GREB1: variants seen among roughly 807,000 people sequenced by gnomAD.
GREB1 encodes protein GREB1.
Under a neutral mutation model 200.7 loss-of-function variants are expected in GREB1, and 106 were observed. That is an observed-to-expected ratio of 0.53 (90% CI 0.45 to 0.62). The LOEUF is 0.62. Ranked by LOEUF, GREB1 falls within the 20% of genes least tolerant of loss-of-function variation. The pLI, the probability that GREB1 is intolerant of heterozygous loss-of-function variation, is 0.00. For synonymous variants in GREB1, 1,132 were observed against 1,092.4 expected, an observed-to-expected ratio of 1.04 and a Z score of -0.72; for missense variants, 2,243 against 2,556.8, an observed-to-expected ratio of 0.88 and a Z score of 2.65.
intron 2 of GREB1, 75 bp downstream of exon 2, chr2:11,556,846 A>C: frequency 9.0e-7 from 1 of 1,116,644 alleles, no homozygotes; most frequent in Non-Finnish European, 1.2e-6. Context: ...AGAACTTGAA[A>C]CTCTTTTCTT....
rs1253695582 is a variant in GREB1 at position 11,595,322 on chromosome 2, G to C, written c.1768G>C (p.Glu590Gln). The C allele has an allele frequency of 6.2e-7, 1 of 1,613,994 alleles. No homozygotes were observed. Among genetic ancestry groups the C allele is most frequent in the South Asian group, 1.1e-5 (1 of 91,066 alleles). ...GGAGTACCAGAAGGAAGTCAATTAC[G>C]AGCTGGTTACGGGGAAGGTAGACTC... is the stretch of plus-strand genomic sequence containing the variant. ...PAEYQKEVNY[E>Q]LVTGKVDSLG... is the part of the protein sequence containing the mutation. The change falls in exon 12 of 33, where the codon GAG (glutamate) becomes CAG (glutamine). Residue 590 changes from glutamate to glutamine, a missense_variant. Glu to Gln is a conservative substitution (Grantham distance 29). Around this residue, in one of 3 missense-constraint regions of GREB1, gnomAD observed 1,178 missense variants for 1,387.4 expected, o/e 0.85. Coordinates refer to ENST00000381486, the MANE Select transcript of GREB1 (RefSeq NM_014668.4).
intron 1 of GREB1, among the ~76,000 whole-genome samples, chr2:11,556,006 C>T (rs1287790362): frequency 1.3e-5 from 2 of 152,104 alleles, no homozygotes; most frequent in Admixed American, 1.3e-4. Context: ...TCTGTGATTT[C>T]CAGGTTTTCC....
At chr2:11,630,618 C>T (rs1179791971) in intron 26 of GREB1, among the ~76,000 whole-genome samples, 1 of 152,228 alleles carries the variant, frequency 6.6e-6, no homozygotes, top group Non-Finnish European at 1.5e-5. Context: ...TCCCTCTCTC[C>T]TCTTCTGCCT....
chr2:11,595,459 A>C (rs1572859987), intron 12 of GREB1, 80 bp downstream of exon 12: 4 of 1,443,028 alleles, frequency 2.8e-6, no homozygotes, highest in Non-Finnish European at 1.9e-6. Context: ...TCTCTGCCTC[A>C]CCCTGCCTGT....
intron 4 of GREB1, among the ~76,000 whole-genome samples, chr2:11,574,081 G>A (rs1678586474): frequency 6.6e-6 from 1 of 152,212 alleles, no homozygotes; most frequent in Non-Finnish European, 1.5e-5. Context: ...CTAAGTTGGA[G>A]GTGAAGGAAT....
intron 19 of GREB1, among the ~76,000 whole-genome samples, chr2:11,613,333 G>T (rs886075864): frequency 6.6e-6 from 1 of 152,174 alleles, no homozygotes; most frequent in Non-Finnish European, 1.5e-5. Flanking sequence ...AAGAGCAGAC[G>T]GCCAGCAAAA....
Position 11,629,450 on chromosome 2 carries a change from A to T in GREB1, c.4450-498A>T, listed in dbSNP as rs142310231. Among the ~76,000 whole-genome samples the T allele has an allele frequency of 2.8e-4, 42 of 152,338 alleles. No individual in the cohort carries two copies. Among genetic ancestry groups the T allele is most frequent in the African/African-American group, 1.0e-3 (42 of 41,568 alleles). Reference sequence around the variant, plus strand: ...CCTGTAAAATGGGGATGATGACAGTACTGCTTTGTAGGATTGTTAATCGCA... The same window carrying T: ...CCTGTAAAATGGGGATGATGACAGTTCTGCTTTGTAGGATTGTTAATCGCA... On this transcript the variant is annotated intron_variant, in intron 25 of 32. Coordinates refer to ENST00000381486, the MANE Select transcript of GREB1 (RefSeq NM_014668.4). This position sits in a 1 kb window ranked among gnomAD's most constrained non-coding sequence, Gnocchi z 5.2.
At chr2:11,495,793 C>T (rs1672866897) in intron 1 of GREB1, among the ~76,000 whole-genome samples, 2 of 140,096 alleles carry the variant, frequency 1.4e-5, no homozygotes, top group South Asian at 4.3e-4. Context: ...GATAAGTCCC[C>T]CCGTTTTTTT....
Position 11,612,625 on chromosome 2 carries a change from T to G in GREB1, c.3122+15T>G. The G allele has an allele frequency of 1.2e-5, 17 of 1,476,032 alleles. No individual in the cohort carries two copies. Among genetic ancestry groups the G allele is most frequent in the Non-Finnish European group, 1.5e-5 (16 of 1,056,518 alleles). 91.4% of individuals were successfully genotyped at this position (1,476,032 alleles called of 1,614,324 possible). On this transcript the variant is annotated intron_variant, in intron 19 of 32. Transcript: ENST00000381486. ...TCCTTGCCGAGGTGAGTGGAGGGGT[T>G]ATGCCCCTGGGGGTCTCTGAGGAGC...
intron 1 of GREB1, among the ~76,000 whole-genome samples, chr2:11,516,637 G>A (rs763126457): frequency 1.4e-4 from 21 of 152,108 alleles, no homozygotes; most frequent in Non-Finnish European, 2.5e-4. Context: ...TCTTACTAAG[G>A]CTGTGGGCCC....
chr2:11,537,936 C>T (rs1021069760), intron 1 of GREB1, among the ~76,000 whole-genome samples: 2 of 152,016 alleles, frequency 1.3e-5, no homozygotes, highest in African/African-American at 2.4e-5. Flanking sequence ...ACTCTTCATG[C>T]ACATAGCTTT....
chr2:11,589,067 C>A lies in GREB1; in HGVS notation c.1345+136C>A, dbSNP rs1395835116. On this transcript the variant is annotated intron_variant, in intron 10 of 32. Transcript: ENST00000381486. ...TGGGGAGAGCTTATGGCTTCACTGG[C>A]GGGACGTCATGAAGTCACTGTGGGC... The A allele has an allele frequency of 7.3e-6, 5 of 683,126 alleles. No homozygotes were observed. In the East Asian group the frequency reaches 1.1e-4, roughly 15 times the overall value. 42.3% of individuals were successfully genotyped at this position (683,126 alleles called of 1,614,324 possible). A position where few individuals can be genotyped will look rare whatever the true frequency, so the allele number is the denominator to read the frequency against.
intron 24 of GREB1, among the ~76,000 whole-genome samples, chr2:11,625,590 A>G (rs1684378905): frequency 6.6e-6 from 1 of 152,208 alleles, no homozygotes; most frequent in Admixed American, 6.5e-5. Context: ...AATAGAGGAT[A>G]AAAGACGTGT....
At chr2:11,607,646 ATCTTAGAAAAG>A (rs1379502241) in intron 17 of GREB1, among the ~76,000 whole-genome samples, 2 of 149,084 alleles carry the variant, frequency 1.3e-5, no homozygotes, top group African/African-American at 4.9e-5. Context: ...ATATATATTT[ATCTTAGAAAAG>A]CACAGTTTTA....
chr2:11,516,693 G>A (rs556235601), intron 1 of GREB1, among the ~76,000 whole-genome samples: 60 of 152,212 alleles, frequency 3.9e-4, no homozygotes, highest in Non-Finnish European at 7.5e-4. Flanking sequence ...CAAGCTCCCC[G>A]CCCCAATTCC....
rs1331817022 is a variant in GREB1 at position 11,618,496 on chromosome 2, C to G, written c.3621C>G (p.Gly1207=). 1.2e-6 allele frequency: 2 copies of G among 1,610,584 alleles called. No homozygotes were observed. The highest frequency in any genetic ancestry group is 1.7e-5 in the Admixed American group (1 of 59,710). Residue 1207 remains glycine, a synonymous_variant, in exon 22 of 33, where the codon GGC becomes GGG. Coordinates refer to ENST00000381486, the MANE Select transcript of GREB1 (RefSeq NM_014668.4). The stretch of plus-strand genomic sequence containing the variant: ...AGCCCGACTGTAGCCTCAGGACCGG[C>G]CAGAGGAGCGTCCAGGTGTCGGTCA... The part of the protein sequence containing the change: ...TPQPDCSLRT[G]QRSVQVSVTS...
chr2:11,511,848 T>C (rs1673361858), intron 1 of GREB1, among the ~76,000 whole-genome samples: 1 of 152,086 alleles, frequency 6.6e-6, no homozygotes, highest in South Asian at 2.1e-4. Flanking sequence ...GATGTGGGGA[T>C]TAAGTGAGAT....
intron 23 of GREB1, 67 bp from the exon 24 acceptor site, chr2:11,625,087 C>A: frequency 7.9e-7 from 1 of 1,260,784 alleles, no homozygotes; most frequent in South Asian, 1.2e-5. Flanking sequence ...TGTTGTTTAG[C>A]GACACATGAC....
At chr2:11,596,775 G>GA (rs1681291912) in intron 13 of GREB1, among the ~76,000 whole-genome samples, 2 of 130,372 alleles carry the variant, frequency 1.5e-5, no homozygotes. Flanking sequence ...TACACAGTGA[G>GA]GGGGGTGGGG....
Sources: allele counts gnomAD v4.1 joint callset (sites outside exome capture counted in the v4.1 genomes callset), GRCh38; gene constraint gnomAD v4.1.1; regional missense constraint gnomAD v4.1.1; non-coding constraint Gnocchi (gnomAD v3.1); transcripts MANE v1.5; gene names NCBI Gene and HGNC (gene_info 2026-07-23, HGNC 2026-07-21).